The following BRCA1 variants were observed in gnomAD, a reference collection of about 807,000 sequenced individuals.
BRCA1 encodes the protein breast cancer type 1 susceptibility protein.
Under a neutral mutation model 173.7 loss-of-function variants are expected in BRCA1, and 140 were observed. The ratio of observed to expected loss-of-function variants is 0.81; its 90% CI spans 0.70 to 0.93. The LOEUF is 0.93. Among genes scored for constraint, BRCA1 ranks in the 40% least tolerant of loss-of-function variants. The probability of loss-of-function intolerance (pLI) is 0.00; values close to 1 mark genes in which losing one functional copy is unlikely to be tolerated. For missense variants in BRCA1, 1,983 were observed against 2,172.5 expected (o/e 0.91, Z 1.73); for synonymous variants, 662 against 756.0 (o/e 0.88, Z 2.04).
rs876660809 is a variant in BRCA1, at chr17:43,082,457, T to C, written c.4304A>G (p.Asp1435Gly). Residue 1435 changes from aspartate to glycine, a missense_variant, in exon 12 of 23, where the codon GAC becomes GGC. By Grantham distance (94) the Asp-to-Gly change is moderately conservative. Coordinates refer to ENST00000357654, the MANE Select transcript of BRCA1 (RefSeq NM_007294.4). ...PSNSYPSIIS[D>G]SSALEDLRNP... Reference sequence around the variant, plus strand: ...TCGCAGGTCCTCAAGGGCAGAAGAGTCACTTATGATGGAAGGGTAGCTGTT... The same window carrying C: ...TCGCAGGTCCTCAAGGGCAGAAGAGCCACTTATGATGGAAGGGTAGCTGTT... The C allele has an allele frequency of 1.9e-6, 3 of 1,614,038 alleles. 1 individual carries two copies. Among genetic ancestry groups the C allele is most frequent in the Non-Finnish European group, 2.5e-6 (3 of 1,179,978 alleles).
chr17:43,049,964 T>C (rs893292272), intron 20 of BRCA1: 2 of 397,864 alleles, frequency 5.0e-6, no homozygotes, highest in Non-Finnish European at 8.9e-6. Context: ...GTTTCCACTA[T>C]ACCAAAGTAA....
chr17:43,082,749 A>G (rs2053080200), intron 11 of BRCA1, 174 bp from the exon 12 acceptor site: 1 of 688,042 alleles, frequency 1.5e-6, no homozygotes, highest in Non-Finnish European at 2.5e-6. Flanking sequence ...ATTAATGCCC[A>G]TGAAATTATT....
chr17:43,114,927 GA>G (rs755347133), intron 3 of BRCA1, among the ~76,000 whole-genome samples: 1 of 152,102 alleles, frequency 6.6e-6, no homozygotes, highest in Non-Finnish European at 1.5e-5. Context: ...CAAAAGACAA[GA>G]TCATCAAATA....
chr17:43,153,806 T>C (rs912144809), intron 1 of BRCA1: 2 of 152,268 alleles, frequency 1.3e-5, no homozygotes, highest in African/African-American at 4.8e-5. Context: ...TGTACTCTTA[T>C]TAGATCACTT....
Position 43,097,227 on chromosome 17 carries a change from G to T in BRCA1, c.593+17C>A. On this transcript the variant is annotated intron_variant, in intron 8 of 22. Coordinates refer to ENST00000357654, the MANE Select transcript of BRCA1 (RefSeq NM_007294.4). ...GGAAAATACCAGCTTCATAGACAAA[G>T]GTTCTCTTTGACTCACCTGCAATAA... 1 of 1,611,092 alleles carries T rather than the reference G, an allele frequency of 6.2e-7. No individual in the cohort carries two copies. Among genetic ancestry groups the T allele is most frequent in the Non-Finnish European group, 8.5e-7 (1 of 1,177,602 alleles).
chr17:43,125,068 G>C, intron 1 of BRCA1: 1 of 436,824 alleles, frequency 2.3e-6, no homozygotes, highest in Non-Finnish European at 4.6e-6. Flanking sequence ...GACACTCAGT[G>C]CCCCCTTCCT....
chr17:43,125,157 G>A (rs2154579794), intron 1 of BRCA1, 114 bp downstream of exon 1: 1 of 428,222 alleles, frequency 2.3e-6, no homozygotes, highest in Non-Finnish European at 4.6e-6. Flanking sequence ...CTCAGGTTCC[G>A]CCCCTACCCC....
intron 1 of BRCA1, among the ~76,000 whole-genome samples, chr17:43,134,146 C>T (rs779841283): frequency 1.2e-4 from 18 of 152,178 alleles, no homozygotes; most frequent in Non-Finnish European, 2.6e-4. Context: ...TACCTTTTTT[C>T]TTGTACAAGT....
Position 43,051,084 on chromosome 17 carries a change from G to C in BRCA1, c.5311C>G (p.Pro1771Ala), listed in dbSNP as rs576727185. ...FRGLEICCYG[P>A]FTNMPTDQLE... ...TTACCTGTGGGCATGTTGGTGAAGG[G>C]CCCATAGCAACAGATTTCTAGCCCC... Residue 1771 changes from proline (P) to alanine (A), a missense_variant, in exon 20 of 23, where the codon CCC (proline) becomes GCC (alanine). By Grantham distance (27) the Pro-to-Ala change is conservative. Coordinates refer to ENST00000357654, the MANE Select transcript of BRCA1 (RefSeq NM_007294.4). 6.2e-7 allele frequency: 1 copy of C among 1,614,072 alleles called. No homozygotes were observed. The highest frequency in any genetic ancestry group is 1.1e-5 in the South Asian group (1 of 91,074).
chr17:43,104,824 A>G (rs1414568972), intron 5 of BRCA1, 44 bp downstream of exon 5: 1 of 1,540,276 alleles, frequency 6.5e-7, no homozygotes, highest in Admixed American at 1.7e-5. Context: ...CTGAGTTTTC[A>G]TGGACAGCAC....
intron 2 of BRCA1, among the ~76,000 whole-genome samples, chr17:43,118,399 CAG>C (rs1405107720): frequency 7.3e-5 from 11 of 150,720 alleles, no homozygotes; most frequent in African/African-American, 2.2e-4. Context: ...TTTTTTCAGA[CAG>C]AGTCTCGTTC....
At chr17:43,145,084 T>A in intron 1 of BRCA1, 4 of 810,872 alleles carry the variant, frequency 4.9e-6, no homozygotes, top group Non-Finnish European at 8.6e-6. Context: ...CAGCGAAGGA[T>A]AAATTTTCAG....
At chr17:43,100,664 A>ATGT (rs1470061722) in intron 6 of BRCA1, among the ~76,000 whole-genome samples, 7 of 19,814 alleles carry the variant, frequency 3.5e-4, no homozygotes, top group African/African-American at 2.6e-3. Flanking sequence ...TAACATATAT[A>ATGT]TATATATATA....
In BRCA1 at chr17:43,079,352, G is replaced by A. The variant is rs1555583238; in HGVS notation, c.4358-2738C>T. ...GAGGCACCTGATATATGTTCTCTAG[G>A]CCTTTTAGAAAACATGGAGTTGTTC... On this transcript the variant is annotated intron_variant, in intron 12 of 22. Transcript: ENST00000357654. The A allele has an allele frequency of 1.9e-6, 3 of 1,596,700 alleles. No individual in the cohort carries two copies. The highest frequency in any genetic ancestry group is 2.5e-6 in the Non-Finnish European group (3 of 1,178,662).
At chr17:43,125,499 G>A (rs2154580396), upstream of BRCA1, 1 of 336,758 alleles carries the variant, frequency 3.0e-6, no homozygotes. Flanking sequence ...GAGGATGGGA[G>A]GGACAGAAAG....
In BRCA1 at chr17:43,104,867, C is replaced by A. The variant is rs587782173; in HGVS notation, c.301+1G>T. ...TCATTCTTGGGATATTCAACACTTA[C>A]ACTCCAAACCTGTGTCAAGCTGAAA... On this transcript the variant is annotated splice_donor_variant, in intron 5 of 22. Coordinates refer to ENST00000357654, the MANE Select transcript of BRCA1 (RefSeq NM_007294.4). LOFTEE classifies it high-confidence loss of function. 13 of 1,612,678 alleles carry A rather than the reference C, an allele frequency of 8.1e-6. No individual in the cohort carries two copies. Among genetic ancestry groups the A allele is most frequent in the Non-Finnish European group, 1.1e-5 (13 of 1,178,926 alleles).
chr17:43,132,399 A>G (rs1020264413), intron 1 of BRCA1, among the ~76,000 whole-genome samples: 2 of 152,100 alleles, frequency 1.3e-5, no homozygotes, highest in Non-Finnish European at 2.9e-5. Flanking sequence ...CCAGCAAATA[A>G]TATGGGATAG....
chr17:43,151,654 C>T (rs995457685), intron 1 of BRCA1, among the ~76,000 whole-genome samples: 10 of 152,096 alleles, frequency 6.6e-5, no homozygotes, highest in African/African-American at 2.4e-4. Flanking sequence ...TTTTGGGAGG[C>T]CAAGGTAGAA....
At chr17:43,061,253 A>G (rs2153502085) in intron 18 of BRCA1, among the ~76,000 whole-genome samples, 1 of 152,286 alleles carries the variant, frequency 6.6e-6, no homozygotes, top group Non-Finnish European at 1.5e-5. Context: ...CTTGTTATTT[A>G]GGTCTCAGCT....
Sources: allele counts gnomAD v4.1 joint callset (sites outside exome capture counted in the v4.1 genomes callset), GRCh38; gene constraint gnomAD v4.1.1; transcripts MANE v1.5; gene names NCBI Gene and HGNC (gene_info 2026-07-23, HGNC 2026-07-21).